TPP2: variants seen among roughly 807,000 people sequenced by gnomAD.
TPP2 encodes tripeptidyl-peptidase 2.
TPP2 carries 34 observed loss-of-function variants against 155.9 expected under a neutral mutation model. The ratio of observed to expected loss-of-function variants is 0.22; its 90% CI spans 0.17 to 0.29. TPP2 has a LOEUF of 0.29. Ranked by LOEUF, TPP2 falls within the 10% of genes least tolerant of loss-of-function variation. The pLI, the probability that TPP2 is intolerant of heterozygous loss-of-function variation, is 1.00. For synonymous variants in TPP2, 510 were observed against 529.4 expected (o/e 0.96, Z 0.50); for missense variants, 1,028 against 1,522.3 (o/e 0.68, Z 5.40).
chr13:102,629,424 A>G, intron 8 of TPP2, 58 bp from the exon 9 acceptor site: 5 of 1,437,196 alleles, frequency 3.5e-6, no homozygotes, highest in African/African-American at 1.5e-5. Context: ...TTTTGGTACT[A>G]TATACACTTT....
intron 27 of TPP2, among the ~76,000 whole-genome samples, chr13:102,673,692 A>T (rs660596): frequency 2.0e-5 from 3 of 152,022 alleles, no homozygotes; most frequent in Non-Finnish European, 2.9e-5. Flanking sequence ...TCCTAACTGG[A>T]GGACCTTGAA....
chr13:102,666,307 C>G (rs1341906513), intron 27 of TPP2, among the ~76,000 whole-genome samples: 2 of 152,200 alleles, frequency 1.3e-5, no homozygotes, highest in Non-Finnish European at 2.9e-5. Flanking sequence ...TCTGTATATT[C>G]TTCTCCCTTC....
intron 24 of TPP2, among the ~76,000 whole-genome samples, chr13:102,654,202 A>G (rs1301667585): frequency 6.6e-6 from 1 of 152,132 alleles, no homozygotes; most frequent in Non-Finnish European, 1.5e-5. Context: ...AAATAGCGCC[A>G]TTTTTCTTTT....
intron 25 of TPP2, among the ~76,000 whole-genome samples, chr13:102,658,103 A>G (rs980297475): frequency 6.6e-6 from 1 of 152,222 alleles, no homozygotes; most frequent in African/African-American, 2.4e-5. Context: ...ATTTTACTCT[A>G]GTGTACTCTT....
At chr13:102,606,047 C>G (rs1879803690) in intron 2 of TPP2, among the ~76,000 whole-genome samples, 1 of 152,086 alleles carries the variant, frequency 6.6e-6, no homozygotes, top group Non-Finnish European at 1.5e-5. Context: ...ATTCTATGTC[C>G]TTGGTAGAAA....
rs200802216 is a variant in TPP2, at chr13:102,676,396, A to G, written c.3680A>G (p.Asn1227Ser). 475 of 1,610,604 alleles carry G rather than the reference A, an allele frequency of 2.9e-4. No homozygotes were observed. Among genetic ancestry groups the G allele is most frequent in the Non-Finnish European group, 3.7e-4 (435 of 1,177,720 alleles). ...KLVEEKPTKE[N>S]WKNCIQLMKL... Reference sequence around the variant, plus strand: ...GTGGAAGAAAAACCAACAAAAGAAAACTGGAAAAATTGTATTCAAGTAAGT... The same window carrying G: ...GTGGAAGAAAAACCAACAAAAGAAAGCTGGAAAAATTGTATTCAAGTAAGT... The change falls in exon 29 of 30, where the codon AAC becomes AGC. Residue 1227 changes from asparagine to serine, a missense_variant. This residue lies in a region of TPP2 where 41 missense variants were observed against 78.3 expected (regional missense o/e 0.52). Transcript: ENST00000376052.
intron 28 of TPP2, 27 bp downstream of exon 28, chr13:102,674,517 A>T: frequency 6.2e-7 from 1 of 1,611,824 alleles, no homozygotes; most frequent in East Asian, 2.2e-5. Flanking sequence ...TTGTTTCAGC[A>T]AAGTTCTTGG....
chr13:102,666,151 G>C (rs957825481), intron 27 of TPP2, among the ~76,000 whole-genome samples: 1 of 152,158 alleles, frequency 6.6e-6, no homozygotes. Context: ...AACATGGAAG[G>C]CAGGGGCCTT....
In TPP2 at chr13:102,676,364, T is replaced by A. The variant is rs1885282222; in HGVS notation, c.3648T>A (p.Thr1216=). 1 of 1,611,122 alleles carries A rather than the reference T, an allele frequency of 6.2e-7. No homozygotes were observed. Among genetic ancestry groups the A allele is most frequent in the African/African-American group, 1.3e-5 (1 of 74,800 alleles). Residue 1216 remains threonine, a synonymous_variant, in exon 29 of 30, where the codon ACT becomes ACA. Transcript: ENST00000376052. ...ATGGGAGAGGCCTTAAATTTGCAAC[T>A]AAACTTGTGGAAGAAAAACCAACAA... ...KMYGRGLKFA[T]KLVEEKPTKE...
In TPP2 at chr13:102,627,941, A is replaced by T. The variant is rs536710684; in HGVS notation, c.1016+17A>T. ...AAATTCTGGGTGAGTGTTCCTTGAC[A>T]GTTGTTTAGCCATAGAACCTTAGCC... On this transcript the variant is annotated intron_variant, in intron 8 of 29. Coordinates refer to ENST00000376052, the MANE Select transcript of TPP2 (RefSeq NM_001330588.2). 1 of 1,603,380 alleles carries T rather than the reference A, an allele frequency of 6.2e-7. No individual in the cohort carries two copies. The highest frequency in any genetic ancestry group is 1.3e-5 in the African/African-American group (1 of 74,608).
chr13:102,601,947 T>C (rs1304488412), intron 1 of TPP2, among the ~76,000 whole-genome samples: 1 of 152,194 alleles, frequency 6.6e-6, no homozygotes, highest in Non-Finnish European at 1.5e-5. Context: ...TGGAAATAGG[T>C]GACAAATAAG....
At chr13:102,652,102 G>A (rs1883532729) in intron 24 of TPP2, among the ~76,000 whole-genome samples, 2 of 152,106 alleles carry the variant, frequency 1.3e-5, no homozygotes, top group Admixed American at 1.3e-4. Flanking sequence ...AGGGCCAGGC[G>A]CAGTGACTCA....
At chr13:102,639,340 C>T (rs1882599650) in intron 15 of TPP2, among the ~76,000 whole-genome samples, 1 of 152,112 alleles carries the variant, frequency 6.6e-6, no homozygotes, top group South Asian at 2.1e-4. Context: ...CAATAGATCT[C>T]AGCCCATGAG....
rs751787533 is a variant in TPP2, at chr13:102,649,009, T to G, written c.2731T>G (p.Ser911Ala). 2 of 1,613,932 alleles carry G rather than the reference T, an allele frequency of 1.2e-6. No homozygotes were observed. Among genetic ancestry groups the G allele is most frequent in the Admixed American group, 3.3e-5 (2 of 59,978 alleles). The change falls in exon 22 of 30, where the codon TCT (serine) becomes GCT (alanine). Residue 911 changes from serine to alanine, a missense_variant. Ser to Ala is a moderately conservative substitution (Grantham distance 99). Transcript: ENST00000376052. The stretch of plus-strand genomic sequence containing the variant: ...CCTTAAAGACCTTCCATTTATTGTT[T>G]CTCATAGATTGTCTAATACCTTGAG... ...ERLKDLPFIVSHRLSNTLSLD... is the reference protein window; with the variant it reads ...ERLKDLPFIVAHRLSNTLSLD...
At chr13:102,604,548 A>G (rs533640907) in intron 1 of TPP2, among the ~76,000 whole-genome samples, 1 of 152,358 alleles carries the variant, frequency 6.6e-6, no homozygotes, top group South Asian at 2.1e-4. Context: ...GGTGTGGTCT[A>G]TAGTAAATGC....
At chr13:102,657,302 A>C in intron 25 of TPP2, 95 bp downstream of exon 25, 1 of 1,016,342 alleles carries the variant, frequency 9.8e-7, no homozygotes, top group Non-Finnish European at 1.3e-6. Flanking sequence ...CGTATTTAAA[A>C]TTATTAACAG....
intron 2 of TPP2, among the ~76,000 whole-genome samples, chr13:102,611,324 C>A (rs948277995): frequency 3.9e-5 from 6 of 152,128 alleles, no homozygotes; most frequent in Non-Finnish European, 7.4e-5. Flanking sequence ...TTTCCAAGTG[C>A]GTGTTTGTTT....
At chr13:102,606,608 A>G (rs1595132444) in intron 2 of TPP2, among the ~76,000 whole-genome samples, 1 of 152,330 alleles carries the variant, frequency 6.6e-6, no homozygotes, top group South Asian at 2.1e-4. Context: ...AACTCACCTG[A>G]TTAGTTCAGG....
intron 7 of TPP2, 139 bp from the exon 8 acceptor site, chr13:102,627,709 G>C: frequency 1.7e-6 from 1 of 597,922 alleles, no homozygotes; most frequent in South Asian, 2.1e-5. Context: ...CCAGGTATAT[G>C]GTGATATGCC....
Sources: allele counts gnomAD v4.1 joint callset (sites outside exome capture counted in the v4.1 genomes callset), GRCh38; gene constraint gnomAD v4.1.1; regional missense constraint gnomAD v4.1.1; transcripts MANE v1.5; gene names NCBI Gene and HGNC (gene_info 2026-07-23, HGNC 2026-07-21).